The following RNF144B variants were observed in gnomAD, a reference collection of about 807,000 sequenced individuals.
The protein encoded by RNF144B is ring finger protein 144B.
RNF144B carries 25 observed loss-of-function variants against 40.2 expected under a neutral mutation model. That is an observed-to-expected ratio of 0.62 (90% CI 0.45 to 0.87). The LOEUF (loss-of-function observed/expected upper bound fraction) is 0.87, where lower values mean the gene tolerates loss of function less well. Ranked by LOEUF, RNF144B falls within the 40% of genes least tolerant of loss-of-function variation. The pLI, the probability that RNF144B is intolerant of heterozygous loss-of-function variation, is 0.00. For synonymous variants in RNF144B, 145 were observed against 136.3 expected (o/e 1.06, Z -0.44); for missense variants, 365 against 373.7 (o/e 0.98, Z 0.19).
intron 2 of RNF144B, among the ~76,000 whole-genome samples, chr6:18,403,384 C>T (rs1794830690): frequency 6.6e-6 from 1 of 152,174 alleles, no homozygotes; most frequent in South Asian, 2.1e-4. Context: ...ATAATTTCAC[C>T]TGAAAAGAGT....
rs756591557 is a variant in RNF144B, at chr6:18,418,980, C to G, written c.166-8601C>G. On this transcript the variant is annotated intron_variant, in intron 2 of 7. Transcript: ENST00000259939. The surrounding 1 kb of genome is among the most constrained non-coding windows in gnomAD (Gnocchi z 5.2). The stretch of plus-strand genomic sequence containing the variant: ...TCTTTGACATGGGTCTTGGTACTTA[C>G]AAGTGTGGTTTGTGTGCCAGTGGCA... Among the ~76,000 whole-genome samples the G allele has an allele frequency of 6.6e-6, 1 of 152,124 alleles. No individual in the cohort carries two copies.
chr6:18,390,442 T>C (rs114654366), intron 1 of RNF144B, among the ~76,000 whole-genome samples: 1,647 of 152,332 alleles, frequency 0.011, 35 homozygotes, highest in African/African-American at 0.038. Context: ...AAATGACCAA[T>C]GCTTCTGCAA....
intron 2 of RNF144B, among the ~76,000 whole-genome samples, chr6:18,417,880 G>A (rs1795175562): frequency 6.6e-6 from 1 of 152,094 alleles, no homozygotes; most frequent in Admixed American, 6.6e-5. Flanking sequence ...TTACAACTCA[G>A]TAATGAAAAC....
chr6:18,462,995 C>A lies in RNF144B; in HGVS notation c.682-296C>A, dbSNP rs193079819. On this transcript the variant is annotated intron_variant, in intron 6 of 7. Coordinates refer to ENST00000259939, the MANE Select transcript of RNF144B (RefSeq NM_182757.4). ...TCAGCTGCCTTGCTCCTGGTCTTCC[C>A]ATTCCATTGTACCTCCGCCAGAGCT... Among the ~76,000 whole-genome samples the A allele has an allele frequency of 2.8e-3, 425 of 152,258 alleles. 3 individuals are homozygous for A. Among genetic ancestry groups the A allele is most frequent in the African/African-American group, 9.7e-3 (404 of 41,562 alleles).
chr6:18,408,524 G>A (rs536735459), intron 2 of RNF144B, among the ~76,000 whole-genome samples: 1 of 152,256 alleles, frequency 6.6e-6, no homozygotes, highest in African/African-American at 2.4e-5. Flanking sequence ...TGACTGTAGT[G>A]GAAACTGTGG....
In RNF144B at chr6:18,447,535, G is replaced by A. The variant is rs1759110818; in HGVS notation, c.331+7791G>A. 6.6e-6 allele frequency among the ~76,000 whole-genome samples: 1 copy of A among 152,176 alleles called. No homozygotes were observed. Among genetic ancestry groups the A allele is most frequent in the African/African-American group, 2.4e-5 (1 of 41,440 alleles). ...AGATTACTGTCGCTGCTGCAGAAGA[G>A]TGGATGGTAATGGAATGACATGGCA... is the stretch of plus-strand genomic sequence containing the variant. On this transcript the variant is annotated intron_variant, in intron 4 of 7. Transcript: ENST00000259939. This position sits in a 1 kb window ranked among gnomAD's most constrained non-coding sequence, Gnocchi z 5.6.
At chr6:18,437,534 A>T (rs10949507) in intron 3 of RNF144B, among the ~76,000 whole-genome samples, 29,626 of 152,146 alleles carry the variant, frequency 0.19, 3,441 homozygotes, top group East Asian at 0.44. Context: ...CAAAAGGACC[A>T]AATAGAATGA....
chr6:18,427,560 C>A, intron 2 of RNF144B, 21 bp from the exon 3 acceptor site: 1 of 1,567,474 alleles, frequency 6.4e-7, no homozygotes, highest in South Asian at 1.1e-5. Context: ...GGGCAATTGT[C>A]TTTTTTTTCT....
rs75284021 is a variant in RNF144B at position 18,399,992 on chromosome 6, C to A, written c.165+293C>A. On this transcript the variant is annotated intron_variant, in intron 2 of 7. Coordinates refer to ENST00000259939, the MANE Select transcript of RNF144B (RefSeq NM_182757.4). Reference sequence around the variant, plus strand: ...GAATAGAAAAATTTTAACATGCTGGCCAGGTGCGTTGCCTCACACCTGTAA... The same window carrying A: ...GAATAGAAAAATTTTAACATGCTGGACAGGTGCGTTGCCTCACACCTGTAA... Among the ~76,000 whole-genome samples the A allele has an allele frequency of 1.7e-3, 263 of 152,202 alleles. 4 individuals carry two copies. The East Asian group carries it at 0.048, about 28-fold the overall frequency.
At chr6:18,421,075 C>T (rs1795248404) in intron 2 of RNF144B, among the ~76,000 whole-genome samples, 2 of 151,532 alleles carry the variant, frequency 1.3e-5, no homozygotes, top group Non-Finnish European at 1.5e-5. Context: ...AGCAACATGG[C>T]GAAACTCTGT....
chr6:18,400,147 C>T lies in RNF144B; in HGVS notation c.165+448C>T, dbSNP rs541439697. Among the ~76,000 whole-genome samples, 35 of 152,064 alleles carry T rather than the reference C, an allele frequency of 2.3e-4. No individual in the cohort carries two copies. Among genetic ancestry groups the T allele is most frequent in the Admixed American group, 1.6e-3 (24 of 15,278 alleles). On this transcript the variant is annotated intron_variant, in intron 2 of 7. Transcript: ENST00000259939. This position sits in a 1 kb window ranked among gnomAD's most constrained non-coding sequence, Gnocchi z 5.6. ...AATTAGCTGGGCTTGGTGGCGGGCGCCTGTAGTCCCAGCTACTCGGGAGGC... is the reference window on the plus strand; with the variant it reads ...AATTAGCTGGGCTTGGTGGCGGGCGTCTGTAGTCCCAGCTACTCGGGAGGC...
rs1008635774 is a variant in RNF144B at position 18,448,214 on chromosome 6, G to C, written c.331+8470G>C. 2.0e-5 allele frequency among the ~76,000 whole-genome samples: 3 copies of C among 152,132 alleles called. No homozygotes were observed. Among genetic ancestry groups the C allele is most frequent in the African/African-American group, 4.8e-5 (2 of 41,416 alleles). ...AGCAGAAAGGGATGATACAGGAGAG[G>C]GAGGGGGGAGGTAATTGCAGAAGCC... On this transcript the variant is annotated intron_variant, in intron 4 of 7. Transcript: ENST00000259939. The surrounding 1 kb of genome is among the most constrained non-coding windows in gnomAD (Gnocchi z 4.0).
At chr6:18,427,840 T>C (rs1311713165) in intron 3 of RNF144B, among the ~76,000 whole-genome samples, 155 bp downstream of exon 3, 1 of 152,244 alleles carries the variant, frequency 6.6e-6, no homozygotes, top group East Asian at 1.9e-4. Context: ...CTTTGGACTT[T>C]TTATACAAAC....
rs372591806 is a variant in RNF144B, at chr6:18,406,333, G to A, written c.165+6634G>A. ...TGAGCAGAGACCTGAAGGAAATGGG[G>A]AACAAGCCATACAGATATCTGGGAG... is the stretch of plus-strand genomic sequence containing the variant. On this transcript the variant is annotated intron_variant, in intron 2 of 7. Coordinates refer to ENST00000259939, the MANE Select transcript of RNF144B (RefSeq NM_182757.4). The surrounding 1 kb of genome is among the most constrained non-coding windows in gnomAD (Gnocchi z 4.2). Among the ~76,000 whole-genome samples the A allele has an allele frequency of 6.6e-6, 1 of 152,034 alleles. No homozygotes were observed. Among genetic ancestry groups the A allele is most frequent in the East Asian group, 1.9e-4 (1 of 5,190 alleles).
In RNF144B at chr6:18,464,973, C is replaced by T; in HGVS notation, c.818C>T (p.Ser273Leu). 1 of 1,613,900 alleles carries T rather than the reference C, an allele frequency of 6.2e-7. No individual in the cohort carries two copies. Among genetic ancestry groups the T allele is most frequent in the Non-Finnish European group, 8.5e-7 (1 of 1,179,850 alleles). ...TTGGGCATCATTGCCTTGGTTACTTCACCCTTGTTACTCCTGGCCTCCCCA... is the reference window on the plus strand; with the variant it reads ...TTGGGCATCATTGCCTTGGTTACTTTACCCTTGTTACTCCTGGCCTCCCCA... ...VGLGIIALVT[S>L]PLLLLASPCI... is the part of the protein sequence containing the mutation. The change falls in exon 8 of 8, where the codon TCA becomes TTA. Residue 273 changes from serine to leucine, a missense_variant. Ser to Leu is a moderately radical substitution (Grantham distance 145). Transcript: ENST00000259939. The surrounding 1 kb of genome is among the most constrained non-coding windows in gnomAD (Gnocchi z 6.1).
chr6:18,421,378 G>A (rs1344264216), intron 2 of RNF144B, among the ~76,000 whole-genome samples: 1 of 151,646 alleles, frequency 6.6e-6, no homozygotes, highest in African/African-American at 2.4e-5. Flanking sequence ...GATGAGTGAT[G>A]TTTAACTTTG....
chr6:18,457,925 A>G lies in RNF144B; in HGVS notation c.536+566A>G, dbSNP rs926825961. Reference sequence around the variant, plus strand: ...AATTAAATCTGTACCTTTTTAGTACAGCGGGTTTTTTTTTGTTTTGTTTTG... The same window carrying G: ...AATTAAATCTGTACCTTTTTAGTACGGCGGGTTTTTTTTTGTTTTGTTTTG... On this transcript the variant is annotated intron_variant, in intron 5 of 7. Transcript: ENST00000259939. The surrounding 1 kb of genome is among the most constrained non-coding windows in gnomAD (Gnocchi z 5.1). Among the ~76,000 whole-genome samples, 1 of 151,322 alleles carries G rather than the reference A, an allele frequency of 6.6e-6. No homozygotes were observed.
chr6:18,431,359 A>G (rs192970152), intron 3 of RNF144B, among the ~76,000 whole-genome samples: 2 of 152,370 alleles, frequency 1.3e-5, no homozygotes, highest in Admixed American at 6.5e-5. Context: ...AGAAGATTAT[A>G]TTGGAGATAT....
At chr6:18,404,707 A>G (rs997769996) in intron 2 of RNF144B, among the ~76,000 whole-genome samples, 1 of 130,760 alleles carries the variant, frequency 7.6e-6, no homozygotes, top group African/African-American at 2.6e-5. Context: ...CTTAACAGGG[A>G]AAAAAAAGTG....
Sources: allele counts gnomAD v4.1 joint callset (sites outside exome capture counted in the v4.1 genomes callset), GRCh38; gene constraint gnomAD v4.1.1; non-coding constraint Gnocchi (gnomAD v3.1); transcripts MANE v1.5; gene names NCBI Gene and HGNC (gene_info 2026-07-23, HGNC 2026-07-21).